The following ZBTB20 variants were observed in gnomAD, a reference collection of about 807,000 sequenced individuals.
ZBTB20 encodes zinc finger and BTB domain-containing protein 20.
A neutral mutation model predicts 56.9 loss-of-function variants in ZBTB20; 9 were observed. The ratio of observed to expected loss-of-function variants is 0.16; its 90% confidence interval spans 0.10 to 0.28. ZBTB20 has a LOEUF of 0.28. Ranked by LOEUF, ZBTB20 falls within the 10% of genes least tolerant of loss-of-function variation. The probability of loss-of-function intolerance (pLI) is 1.00; values close to 1 mark genes in which losing one functional copy is unlikely to be tolerated. For synonymous variants in ZBTB20, 417 were observed against 420.7 expected (o/e 0.99, Z 0.11); for missense variants, 655 against 1,003.0 (o/e 0.65, Z 4.69).
At chr3:114,836,270 T>C (rs1164816174) in intron 4 of ZBTB20, among the ~76,000 whole-genome samples, 2 of 152,226 alleles carry the variant, frequency 1.3e-5, no homozygotes, top group African/African-American at 4.8e-5. Flanking sequence ...TTTTGTCTGA[T>C]TAACTTGCTA....
intron 1 of ZBTB20, among the ~76,000 whole-genome samples, chr3:115,138,697 C>T (rs995903899): frequency 3.3e-5 from 5 of 151,990 alleles, no homozygotes; most frequent in African/African-American, 9.7e-5. Flanking sequence ...AATAAAGGTA[C>T]CTGTCTCACG....
At chr3:114,494,344 T>C (rs1283907092) in intron 7 of ZBTB20, among the ~76,000 whole-genome samples, 1 of 152,214 alleles carries the variant, frequency 6.6e-6, no homozygotes, top group East Asian at 1.9e-4. Flanking sequence ...GTAGGACTAC[T>C]GGTTCTTACC....
At chr3:114,794,867 A>G (rs1477848153) in intron 5 of ZBTB20, among the ~76,000 whole-genome samples, 3 of 152,098 alleles carry the variant, frequency 2.0e-5, no homozygotes, top group Admixed American at 6.6e-5. Context: ...AAGGTTTTCT[A>G]TGCCTCCAGG....
intron 2 of ZBTB20, among the ~76,000 whole-genome samples, chr3:115,017,145 C>A (rs190376958): frequency 5.9e-5 from 9 of 151,740 alleles, no homozygotes; most frequent in African/African-American, 2.2e-4. Context: ...ATCATCTCAG[C>A]CCAAAACCTT....
At chr3:114,380,700 C>T (rs2084218530) in intron 9 of ZBTB20, 77 bp downstream of exon 9, 12 of 1,449,638 alleles carry the variant, frequency 8.3e-6, no homozygotes, top group Admixed American at 5.7e-5. Flanking sequence ...GTATGGCTGA[C>T]ATTATCCAAG....
At chr3:114,587,137 C>A (rs1049867345) in intron 6 of ZBTB20, among the ~76,000 whole-genome samples, 1 of 151,788 alleles carries the variant, frequency 6.6e-6, no homozygotes, top group African/African-American at 2.4e-5. Context: ...GCTGGGACTA[C>A]AGGCACCCAC....
At chr3:114,469,187 G>C (rs1337186194) in intron 7 of ZBTB20, among the ~76,000 whole-genome samples, 1 of 152,026 alleles carries the variant, frequency 6.6e-6, no homozygotes, top group East Asian at 1.9e-4. Context: ...TCTAATTAAA[G>C]AAAGGGCAAG....
At chr3:114,591,166 G>A (rs1157960241) in intron 6 of ZBTB20, among the ~76,000 whole-genome samples, 6 of 152,106 alleles carry the variant, frequency 3.9e-5, no homozygotes, top group African/African-American at 1.2e-4. Context: ...TTTGTTTGGA[G>A]GGGTTTGATA....
intron 1 of ZBTB20, among the ~76,000 whole-genome samples, chr3:115,111,315 ATTACAAAAAGAG>A (rs1453273968): frequency 6.6e-6 from 1 of 152,150 alleles, no homozygotes; most frequent in African/African-American, 2.4e-5. Context: ...ATCTGTATTA[ATTACAAAAAGAG>A]TTATGAAAGA....
At chr3:114,647,885 G>A (rs1460725104) in intron 6 of ZBTB20, among the ~76,000 whole-genome samples, 3 of 152,056 alleles carry the variant, frequency 2.0e-5, no homozygotes, top group Admixed American at 2.0e-4. Flanking sequence ...TCTTCCAATT[G>A]AGAAAACATT....
Position 114,351,233 on chromosome 3 carries a change from A to G in ZBTB20, c.845T>C (p.Met282Thr), listed in dbSNP as rs763410404. 11 of 1,600,122 alleles carry G rather than the reference A, an allele frequency of 6.9e-6. No homozygotes were observed. Among genetic ancestry groups the G allele is most frequent in the African/African-American group, 2.7e-5 (2 of 74,478 alleles). The change falls in exon 11 of 12, where the codon ATG (methionine) becomes ACG (threonine). Residue 282 changes from methionine to threonine, a missense_variant. Physicochemically the swap from Met to Thr is moderately conservative, Grantham distance 81 (BLOSUM62 -1). Around this residue, in one of 10 missense-constraint regions of ZBTB20, gnomAD observed 167 missense variants for 281.9 expected, o/e 0.59. Coordinates refer to ENST00000675478, the MANE Select transcript of ZBTB20 (RefSeq NM_001348800.3). ...TALGLPRDHH[M>T]EDPSWITRIH... ...GCGTGTGATCCAGCTGGGGTCTTCC[A>G]TGTGGTGGTCGCGGGGCAGGCCGAG...
chr3:115,076,409 A>C (rs1305363682), intron 1 of ZBTB20, among the ~76,000 whole-genome samples: 1 of 152,232 alleles, frequency 6.6e-6, no homozygotes, highest in Non-Finnish European at 1.5e-5. Context: ...TCTACACATA[A>C]ATGGTCAACT....
At chr3:114,391,374 T>C (rs1405806037) in intron 7 of ZBTB20, among the ~76,000 whole-genome samples, 7 of 152,206 alleles carry the variant, frequency 4.6e-5, no homozygotes. Flanking sequence ...AGTCCTACTC[T>C]TTCCTACCAT....
chr3:114,969,611 A>G (rs2077788205), intron 3 of ZBTB20, among the ~76,000 whole-genome samples: 1 of 152,236 alleles, frequency 6.6e-6, no homozygotes. Context: ...ATAAACACTA[A>G]GCAAATATTT....
chr3:114,831,516 T>C (rs1286726309), intron 4 of ZBTB20, among the ~76,000 whole-genome samples: 1 of 152,022 alleles, frequency 6.6e-6, no homozygotes, highest in Non-Finnish European at 1.5e-5. Context: ...GTCTAACTCT[T>C]CACGTCAGGC....
intron 3 of ZBTB20, among the ~76,000 whole-genome samples, chr3:114,963,220 T>C (rs370799743): frequency 1.3e-5 from 2 of 152,154 alleles, no homozygotes; most frequent in East Asian, 3.8e-4. Context: ...TTCCACACTC[T>C]CTATAGAGAA....
intron 7 of ZBTB20, among the ~76,000 whole-genome samples, chr3:114,439,699 C>T (rs1428696484): frequency 6.6e-6 from 1 of 152,130 alleles, no homozygotes; most frequent in Non-Finnish European, 1.5e-5. Context: ...AGTGGATAGA[C>T]CAGTAGCTTG....
At chr3:115,034,399 T>TA (rs59282828) in intron 2 of ZBTB20, among the ~76,000 whole-genome samples, 12 of 150,274 alleles carry the variant, frequency 8.0e-5, no homozygotes, top group East Asian at 3.9e-4. Flanking sequence ...AGCAGCAGGA[T>TA]AAAAAAAATC....
chr3:115,114,381 A>G (rs532725477), intron 1 of ZBTB20, among the ~76,000 whole-genome samples: 56 of 152,190 alleles, frequency 3.7e-4, no homozygotes, highest in Non-Finnish European at 6.5e-4. Flanking sequence ...AAGAGTATCA[A>G]TGGCTGTGCT....
Sources: gnomAD v4.1 joint callset for allele counts (sites outside exome capture counted in the v4.1 genomes callset) on GRCh38, gnomAD v4.1.1 for gene constraint, gnomAD v4.1.1 regional missense constraint, MANE v1.5 for transcripts, NCBI Gene and HGNC (gene_info 2026-07-23, HGNC 2026-07-21) for gene names.